The following ABCD2 variants were observed in gnomAD, a reference collection of about 807,000 sequenced individuals.
ABCD2 encodes the protein ATP binding cassette subfamily D member 2.
ABCD2 carries 36 observed loss-of-function variants against 70.9 expected under a neutral mutation model. The observed-to-expected ratio is 0.51, with a 90% CI of 0.39 to 0.67. ABCD2 has a LOEUF of 0.67. ABCD2 is among the 30% of genes least tolerant of loss of function. ABCD2 has a pLI of 0.00. For synonymous variants in ABCD2, 304 were observed against 306.9 expected (o/e 0.99, Z 0.10); for missense variants, 729 against 890.2 (o/e 0.82, Z 2.30).
At chr12:39,565,860 G>GTCTCT (rs1237131427) in intron 9 of ABCD2, among the ~76,000 whole-genome samples, 5 of 152,116 alleles carry the variant, frequency 3.3e-5, no homozygotes, top group African/African-American at 1.2e-4. Context: ...TTTTGTTAGA[G>GTCTCT]GCCTTTTCTG....
At chr12:39,591,270 A>C (rs987437212) in intron 6 of ABCD2, among the ~76,000 whole-genome samples, 4 of 152,214 alleles carry the variant, frequency 2.6e-5, no homozygotes, top group African/African-American at 7.2e-5. Flanking sequence ...TTCTTAAAAA[A>C]TGTGTGATAA....
At chr12:39,581,360 A>G (rs531610627) in intron 7 of ABCD2, among the ~76,000 whole-genome samples, 1 of 152,306 alleles carries the variant, frequency 6.6e-6, no homozygotes, top group South Asian at 2.1e-4. Flanking sequence ...CCGATTTCCC[A>G]GTGACACCTG....
Position 39,618,815 on chromosome 12 carries a change from A to T in ABCD2, c.801T>A (p.Thr267=), listed in dbSNP as rs1942152182. 1.9e-6 allele frequency: 3 copies of T among 1,614,118 alleles called. No individual in the cohort carries two copies. Among genetic ancestry groups the T allele is most frequent in the South Asian group, 1.1e-5 (1 of 91,088 alleles). ...TLLAGLVVYA[T]AKVLKACSPK... ...GAGAACAGGCTTTTAACACTTTAGC[A>T]GTGGCATACACCACAAGTCCTGCTA... Residue 267 remains threonine (T), a synonymous_variant, in exon 1 of 10, where the codon ACT becomes ACA. Transcript: ENST00000308666.
rs757448382 is a variant in ABCD2 at position 39,579,586 on chromosome 12, A to T, written c.1826T>A (p.Leu609Gln). The change falls in exon 8 of 10, where the codon CTG becomes CAG. Residue 609 changes from leucine (L) to glutamine (Q), a missense_variant. Physicochemically the swap from Leu to Gln is moderately radical, Grantham distance 113. Coordinates refer to ENST00000308666, the MANE Select transcript of ABCD2 (RefSeq NM_005164.4). ...CATTCTTTGCTTTTCCCCTCCTGAC[A>T]GGACATCTTTCCAGTCCATAACAGC... ...WDAVMDWKDV[L>Q]SGGEKQRMGM... is the part of the protein sequence containing the mutation. 6.2e-7 allele frequency: 1 copy of T among 1,613,080 alleles called. No individual in the cohort carries two copies. The highest frequency in any genetic ancestry group is 8.5e-7 in the Non-Finnish European group (1 of 1,179,366).
At chr12:39,604,352 A>C (rs187767570) in intron 4 of ABCD2, among the ~76,000 whole-genome samples, 121 of 152,188 alleles carry the variant, frequency 8.0e-4, no homozygotes, top group Middle Eastern at 3.4e-3. Context: ...TAGAAAAAAA[A>C]CCACAGTGCT....
At chr12:39,574,852 A>G (rs1490126313) in intron 8 of ABCD2, among the ~76,000 whole-genome samples, 5 of 152,158 alleles carry the variant, frequency 3.3e-5, no homozygotes, top group Admixed American at 3.3e-4. Flanking sequence ...CCTAAAATCG[A>G]TTTGCTTATT....
chr12:39,555,187 C>CT (rs1303493104), intron 9 of ABCD2, among the ~76,000 whole-genome samples: 1 of 152,170 alleles, frequency 6.6e-6, no homozygotes, highest in Non-Finnish European at 1.5e-5. Context: ...CATCAGCAGT[C>CT]TTTCTCCATT....
chr12:39,603,036 C>T (rs1157683933), intron 5 of ABCD2, among the ~76,000 whole-genome samples: 1 of 152,122 alleles, frequency 6.6e-6, no homozygotes, highest in Non-Finnish European at 1.5e-5. Flanking sequence ...GCTAAAAATA[C>T]AATTTCTTTA....
rs563828515 is a variant in ABCD2 at position 39,554,387 on chromosome 12, G to T, written c.2004-256C>A. Among the ~76,000 whole-genome samples the T allele has an allele frequency of 4.6e-5, 7 of 152,112 alleles. No individual in the cohort carries two copies. The Middle Eastern group carries it at 0.024, about 517-fold the overall frequency. The stretch of plus-strand genomic sequence containing the variant: ...TATTAACTGTAAAGGAAGACATGCT[G>T]TTGCATGTATTTAATTTCTTCATAA... On this transcript the variant is annotated intron_variant, in intron 9 of 9. Transcript: ENST00000308666.
At chr12:39,543,366 C>T in the ABCD2 span, among the ~76,000 whole-genome samples, 19 of 152,190 alleles carry the variant, frequency 1.2e-4, no homozygotes, top group South Asian at 6.2e-4. Flanking sequence ...TTTCTGTTGC[C>T]GCTGCAGTCA....
chr12:39,549,881 T>G (rs938096439), downstream of ABCD2, among the ~76,000 whole-genome samples: 1 of 151,848 alleles, frequency 6.6e-6, no homozygotes, highest in Non-Finnish European at 1.5e-5. Context: ...TTTATTAAAT[T>G]AGCATTTTGT....
intron 5 of ABCD2, 86 bp downstream of exon 5, chr12:39,603,826 A>G: frequency 1.0e-6 from 1 of 978,042 alleles, no homozygotes; most frequent in South Asian, 1.5e-5. Flanking sequence ...TGCTCCTCCA[A>G]GTATTTAACA....
chr12:39,613,805 G>A (rs1221002454), intron 2 of ABCD2, among the ~76,000 whole-genome samples: 1 of 152,214 alleles, frequency 6.6e-6, no homozygotes, highest in Non-Finnish European at 1.5e-5. Flanking sequence ...TGTTGTATAT[G>A]TGATTTTATT....
intron 6 of ABCD2, among the ~76,000 whole-genome samples, chr12:39,598,547 C>T (rs950907039): frequency 6.6e-5 from 10 of 151,956 alleles, no homozygotes; most frequent in Admixed American, 2.6e-4. Flanking sequence ...ATTACAGGCA[C>T]GCACCACCAC....
At chr12:39,608,691 TA>T (rs1942005360) in intron 2 of ABCD2, among the ~76,000 whole-genome samples, 1 of 151,756 alleles carries the variant, frequency 6.6e-6, no homozygotes, top group Non-Finnish European at 1.5e-5. Flanking sequence ...CTGCCTCAAA[TA>T]AAATAAAATA....
At chr12:39,543,765 C>T in the ABCD2 span, among the ~76,000 whole-genome samples, 263 of 152,246 alleles carry the variant, frequency 1.7e-3, 1 homozygote, top group Admixed American at 3.1e-3. Flanking sequence ...TCCCTTTTTT[C>T]TGTTAATACT....
At chr12:39,578,316 T>A (rs918920412) in intron 8 of ABCD2, among the ~76,000 whole-genome samples, 26 of 151,660 alleles carry the variant, frequency 1.7e-4, no homozygotes, top group African/African-American at 6.1e-4. Context: ...CTACTAAAAA[T>A]ACAAAAAATT....
In ABCD2 at chr12:39,618,855, A is replaced by T; in HGVS notation, c.761T>A (p.Ile254Asn). The T allele has an allele frequency of 6.2e-7, 1 of 1,614,214 alleles. No homozygotes were observed. The highest frequency in any genetic ancestry group is 8.5e-7 in the Non-Finnish European group (1 of 1,180,040). ...AAGTCCTGCTAGTAGGGTGGGCCCA[A>T]TTGGGCTTGCTCCTCTGGATGTAGC... ...QTATSRGASP[I>N]GPTLLAGLVV... Residue 254 changes from isoleucine (I) to asparagine (N), a missense_variant, in exon 1 of 10, where the codon ATT becomes AAT. Ile to Asn is a moderately radical substitution (Grantham distance 149). Transcript: ENST00000308666.
In ABCD2 at chr12:39,592,646, C is replaced by T. The variant is rs150888122; in HGVS notation, c.1647-6349G>A. ...ACAATAGATATGTAACCTACATACA[C>T]ATTGGCACAGTACATAGGTATAGAG... On this transcript the variant is annotated intron_variant, in intron 6 of 9. Coordinates refer to ENST00000308666, the MANE Select transcript of ABCD2 (RefSeq NM_005164.4). 6.8e-4 allele frequency among the ~76,000 whole-genome samples: 103 copies of T among 152,330 alleles called. 1 individual carries two copies. The East Asian group carries it at 0.017, about 25-fold the overall frequency.
Sources: allele counts gnomAD v4.1 joint callset (sites outside exome capture counted in the v4.1 genomes callset), GRCh38; gene constraint gnomAD v4.1.1; transcripts MANE v1.5; gene names NCBI Gene and HGNC (gene_info 2026-07-23, HGNC 2026-07-21).